Variants in RSPO2 observed in about 807,000 individuals in gnomAD.
The protein encoded by RSPO2 is R-spondin 2.
Under a neutral mutation model 30.9 loss-of-function variants are expected in RSPO2, and 14 were observed. That is an observed-to-expected ratio of 0.45 (90% CI 0.30 to 0.71). RSPO2 has a LOEUF of 0.71. Among genes scored for constraint, RSPO2 ranks in the 30% least tolerant of loss-of-function variants. The pLI is 0.08. For missense variants in RSPO2, 264 were observed against 301.9 expected (o/e 0.87, Z 0.93); for synonymous variants, 107 against 96.4 (o/e 1.11, Z -0.64).
intron 5 of RSPO2, among the ~76,000 whole-genome samples, chr8:107,935,077 C>A (rs1336851856): frequency 1.3e-5 from 2 of 152,140 alleles, no homozygotes; most frequent in Non-Finnish European, 2.9e-5. Context: ...ACCATTGGAC[C>A]TGACTGCCTG....
At chr8:108,073,705 A>G (rs1812924539) in intron 2 of RSPO2, among the ~76,000 whole-genome samples, 1 of 152,240 alleles carries the variant, frequency 6.6e-6, no homozygotes, top group Non-Finnish European at 1.5e-5. Flanking sequence ...GTACTTTTAT[A>G]AACTCTTTAG....
In RSPO2 at chr8:108,082,582, G is replaced by A. The variant is rs768980014; in HGVS notation, c.57C>T (p.Ser19=). ...ALIILNCMDY[S]HCQGNRWRRS... is the part of the protein sequence containing the mutation. ...GTCTCCATCGGTTGCCTTGGCAGTG[G>A]CTGTAATCCATGCAGTTCAGAATGA... Residue 19 remains serine (S), a synonymous_variant, in exon 2 of 6, where the codon AGC becomes AGT. Coordinates refer to ENST00000276659, the MANE Select transcript of RSPO2 (RefSeq NM_178565.5). 5.6e-6 allele frequency: 9 copies of A among 1,614,124 alleles called. No homozygotes were observed. The highest frequency in any genetic ancestry group is 1.6e-4 in the Middle Eastern group (1 of 6,062).
At chr8:107,976,954 A>C (rs1273438979) in intron 3 of RSPO2, among the ~76,000 whole-genome samples, 1 of 152,240 alleles carries the variant, frequency 6.6e-6, no homozygotes, top group African/African-American at 2.4e-5. Context: ...CATGTGCCAG[A>C]ACACATAAAG....
chr8:108,041,900 G>T (rs191537371), intron 2 of RSPO2, among the ~76,000 whole-genome samples: 2 of 152,216 alleles, frequency 1.3e-5, no homozygotes, highest in Admixed American at 6.5e-5. Context: ...AAAGATGGCA[G>T]CCTGGAAGAT....
At chr8:108,054,533 C>T (rs1405690313) in intron 2 of RSPO2, among the ~76,000 whole-genome samples, 2 of 152,048 alleles carry the variant, frequency 1.3e-5, no homozygotes, top group African/African-American at 2.4e-5. Context: ...CCTAACTCCA[C>T]GAGGGGTTGG....
intron 2 of RSPO2, among the ~76,000 whole-genome samples, chr8:108,079,749 T>C (rs1192233888): frequency 6.6e-6 from 1 of 150,812 alleles, no homozygotes; most frequent in Non-Finnish European, 1.5e-5. Flanking sequence ...CCAATCCTGG[T>C]ACCACTGCCA....
At chr8:107,957,487 A>G (rs938264605) in intron 5 of RSPO2, among the ~76,000 whole-genome samples, 15 of 152,214 alleles carry the variant, frequency 9.9e-5, no homozygotes, top group Middle Eastern at 3.2e-3. Flanking sequence ...AATTACTGCA[A>G]ATCAGCACAA....
intron 5 of RSPO2, among the ~76,000 whole-genome samples, chr8:107,904,885 T>C (rs1175688415): frequency 2.6e-5 from 4 of 152,144 alleles, no homozygotes; most frequent in Non-Finnish European, 5.9e-5. Context: ...AGCCACATTC[T>C]AACTAATGTA....
intron 3 of RSPO2, among the ~76,000 whole-genome samples, chr8:107,962,062 T>C (rs896179517): frequency 6.6e-6 from 1 of 152,226 alleles, no homozygotes; most frequent in Non-Finnish European, 1.5e-5. Context: ...GTAACAGTTT[T>C]AACCGACGCA....
At chr8:108,017,811 G>T (rs867698366) in intron 2 of RSPO2, among the ~76,000 whole-genome samples, 2 of 152,174 alleles carry the variant, frequency 1.3e-5, no homozygotes, top group African/African-American at 4.8e-5. Flanking sequence ...TGGAAATAAA[G>T]AAATTTCTAA....
intron 2 of RSPO2, among the ~76,000 whole-genome samples, chr8:108,001,642 G>A (rs1316558641): frequency 4.6e-5 from 7 of 152,100 alleles, no homozygotes; most frequent in Non-Finnish European, 2.9e-5. Context: ...GTAAAACATA[G>A]GATGGTTGGG....
chr8:108,033,981 T>A (rs1811510436), intron 2 of RSPO2, among the ~76,000 whole-genome samples: 1 of 152,164 alleles, frequency 6.6e-6, no homozygotes, highest in Admixed American at 6.5e-5. Flanking sequence ...AGGACTAACT[T>A]TAGAACATGA....
At chr8:107,941,528 T>C (rs1486835239) in intron 5 of RSPO2, among the ~76,000 whole-genome samples, 2 of 152,316 alleles carry the variant, frequency 1.3e-5, no homozygotes, top group African/African-American at 4.8e-5. Flanking sequence ...TAAAATCCAT[T>C]AAGATAGCCC....
At chr8:108,048,507 T>C (rs547781008) in intron 2 of RSPO2, among the ~76,000 whole-genome samples, 3 of 152,256 alleles carry the variant, frequency 2.0e-5, no homozygotes, top group Non-Finnish European at 2.9e-5. Flanking sequence ...TTCTGTGGGA[T>C]TGGTGGCGAT....
At chr8:108,066,532 T>C (rs577086348) in intron 2 of RSPO2, among the ~76,000 whole-genome samples, 62 of 152,304 alleles carry the variant, frequency 4.1e-4, no homozygotes, top group African/African-American at 1.3e-3. Flanking sequence ...TGACAAGGAA[T>C]GGCTTGACAC....
At chr8:108,021,436 C>T (rs544070634) in intron 2 of RSPO2, among the ~76,000 whole-genome samples, 3 of 152,270 alleles carry the variant, frequency 2.0e-5, no homozygotes, top group African/African-American at 7.2e-5. Flanking sequence ...GTAGTCCTTC[C>T]TCCATACTTA....
chr8:108,010,117 A>G (rs914945696), intron 2 of RSPO2, among the ~76,000 whole-genome samples: 7 of 152,206 alleles, frequency 4.6e-5, no homozygotes, highest in African/African-American at 1.7e-4. Context: ...CAAAAACCAG[A>G]GACAAAAAAA....
intron 2 of RSPO2, among the ~76,000 whole-genome samples, chr8:108,059,682 A>C (rs898991419): frequency 6.7e-6 from 1 of 148,678 alleles, no homozygotes; most frequent in African/African-American, 2.6e-5. Flanking sequence ...ATAAAAAAAG[A>C]TGAGTTCATG....
At chr8:107,950,502 T>TC (rs397709030) in intron 5 of RSPO2, among the ~76,000 whole-genome samples, 1 of 151,678 alleles carries the variant, frequency 6.6e-6, no homozygotes, top group Non-Finnish European at 1.5e-5. Context: ...GTTTTTTTTT[T>TC]ACCATGTTAT....
Sources: allele counts gnomAD v4.1 joint callset (sites outside exome capture counted in the v4.1 genomes callset), GRCh38; gene constraint gnomAD v4.1.1; transcripts MANE v1.5; gene names NCBI Gene and HGNC (gene_info 2026-07-23, HGNC 2026-07-21).